Variants in CTDP1 observed in about 807,000 individuals in gnomAD.
The protein encoded by CTDP1 is CTD phosphatase 1.
CTDP1 carries 47 observed loss-of-function variants against 91.8 expected under a neutral mutation model. That is an observed-to-expected ratio of 0.51 (90% confidence interval 0.41 to 0.65). The LOEUF (loss-of-function observed/expected upper bound fraction) is 0.65, where lower values mean the gene tolerates loss of function less well. CTDP1 is among the 30% of genes least tolerant of loss of function. The probability of loss-of-function intolerance (pLI) is 0.00; values close to 1 mark genes in which losing one functional copy is unlikely to be tolerated. For synonymous variants in CTDP1, 656 were observed against 598.5 expected, an observed-to-expected ratio of 1.10 and a Z score of -1.40; for missense variants, 1,272 against 1,373.7, an observed-to-expected ratio of 0.93 and a Z score of 1.17.
chr18:79,701,369 G>A lies in CTDP1; in HGVS notation c.621+3381G>A, dbSNP rs891990929. Among the ~76,000 whole-genome samples the A allele has an allele frequency of 3.6e-4, 55 of 151,972 alleles. 1 individual carries two copies. Among genetic ancestry groups the A allele is most frequent in the Non-Finnish European group, 1.0e-4 (7 of 67,980 alleles). On this transcript the variant is annotated intron_variant, in intron 4 of 12. Transcript: ENST00000613122. ...ACTAAAAATACAAAAAATTAGCCGG[G>A]TGTGGTGGCGGGTGCCTGTAGTCCC...
intron 1 of CTDP1, chr18:79,685,284 T>A (rs1173106271): frequency 6.6e-6 from 1 of 152,232 alleles, no homozygotes; most frequent in Non-Finnish European, 1.5e-5. Context: ...TTCTGACAGG[T>A]CACCATCTTT....
chr18:79,721,162 C>A (rs1190216501), intron 10 of CTDP1, among the ~76,000 whole-genome samples: 1 of 152,214 alleles, frequency 6.6e-6, no homozygotes, highest in African/African-American at 2.4e-5. Context: ...AGGCCCAGCC[C>A]ACAGCCACTC....
At chr18:79,712,772 T>C (rs1464690728) in intron 6 of CTDP1, among the ~76,000 whole-genome samples, 200 bp from the exon 7 acceptor site, 1 of 152,130 alleles carries the variant, frequency 6.6e-6, no homozygotes, top group Non-Finnish European at 1.5e-5. Flanking sequence ...TGAAGGAGAA[T>C]CGGAAACAGC....
Position 79,740,726 on chromosome 18 carries a change from A to G in CTDP1, c.2747+4205A>G, listed in dbSNP as rs2086759616. On this transcript the variant is annotated intron_variant, in intron 12 of 12. Transcript: ENST00000613122. ...GAAAATGAGTTTTAACATAAGGGGG[A>G]AGGTTGTGTTTTTTACTTGTCTACC... 2.0e-5 allele frequency among the ~76,000 whole-genome samples: 3 copies of G among 152,192 alleles called. No homozygotes were observed. The South Asian group carries it at 6.2e-4, about 32-fold the overall frequency.
rs1283923118 is a variant in CTDP1 at position 79,679,937 on chromosome 18, C to T, written c.-11C>T. The T allele has an allele frequency of 7.2e-5, 100 of 1,385,736 alleles. No homozygotes were observed. The highest frequency in any genetic ancestry group is 3.3e-4 in the East Asian group (10 of 30,520). The allele number at this position is 1,385,736 out of a possible 1,614,324, so 85.8% of individuals were successfully genotyped here. On this transcript the variant is annotated 5_prime_UTR_variant, in exon 1 of 13. Coordinates refer to ENST00000613122, the MANE Select transcript of CTDP1 (RefSeq NM_004715.5). ...GCCCCGTACCGACCGCCCGCCCGCC[C>T]TCTGTCCGCGATGGAGGTGCCGGCC...
intron 1 of CTDP1, chr18:79,681,542 G>A (rs2085368986): frequency 1.0e-6 from 1 of 961,044 alleles, no homozygotes; most frequent in Non-Finnish European, 1.2e-6. Context: ...TATGTGGCAA[G>A]TTAGTATTGA....
Position 79,704,801 on chromosome 18 carries a change from C to T in CTDP1, c.656C>T (p.Pro219Leu). 1.2e-6 allele frequency: 2 copies of T among 1,613,952 alleles called. No individual in the cohort carries two copies. The highest frequency in any genetic ancestry group is 1.7e-6 in the Non-Finnish European group (2 of 1,180,036). Reference protein sequence around the residue: ...IFHFQLGRGEPMLHTRLRPHC... With the variant: ...IFHFQLGRGELMLHTRLRPHC... ...CACTTCCAGCTGGGCCGGGGTGAGC[C>T]CATGCTGCACACGCGCCTGCGTCCA... The change falls in exon 5 of 13, where the codon CCC becomes CTC. Residue 219 changes from proline to leucine, a missense_variant. By Grantham distance (98) the Pro-to-Leu change is moderately conservative. Transcript: ENST00000613122.
chr18:79,734,210 G>C (rs2122769218), intron 11 of CTDP1, among the ~76,000 whole-genome samples: 1 of 152,322 alleles, frequency 6.6e-6, no homozygotes, highest in African/African-American at 2.4e-5. Flanking sequence ...GCTGGGCCGG[G>C]TGTGCTGACA....
At chr18:79,693,709 T>C (rs1489071201) in intron 1 of CTDP1, among the ~76,000 whole-genome samples, 1 of 152,164 alleles carries the variant, frequency 6.6e-6, no homozygotes, top group Non-Finnish European at 1.5e-5. Context: ...CCGCACCGTG[T>C]GTCCTCAGCA....
chr18:79,733,573 G>C (rs888928044), intron 11 of CTDP1, among the ~76,000 whole-genome samples: 8 of 151,866 alleles, frequency 5.3e-5, no homozygotes, highest in African/African-American at 1.4e-4. Context: ...GGCGTCCGCT[G>C]CCTCTCCAGC....
intron 10 of CTDP1, among the ~76,000 whole-genome samples, chr18:79,722,207 G>A (rs941781423): frequency 8.5e-5 from 13 of 152,240 alleles, no homozygotes; most frequent in African/African-American, 2.9e-4. Flanking sequence ...TGGTAAGCTG[G>A]ATTTGAATGA....
intron 4 of CTDP1, among the ~76,000 whole-genome samples, chr18:79,700,260 C>T (rs1319458830): frequency 6.6e-6 from 1 of 152,190 alleles, no homozygotes; most frequent in African/African-American, 2.4e-5. Flanking sequence ...CGTGATTATG[C>T]TTAGTGAGGA....
intron 4 of CTDP1, among the ~76,000 whole-genome samples, chr18:79,701,708 A>T (rs181410013): frequency 3.5e-4 from 53 of 152,328 alleles, no homozygotes; most frequent in Admixed American, 2.6e-3. Flanking sequence ...TTTGTGATTC[A>T]TGGGAAGAGG....
At chr18:79,737,084 G>T (rs909453232) in intron 12 of CTDP1, among the ~76,000 whole-genome samples, 1 of 152,232 alleles carries the variant, frequency 6.6e-6, no homozygotes, top group Non-Finnish European at 1.5e-5. Flanking sequence ...GCGGTCTGTG[G>T]GTGGGAAGAG....
chr18:79,715,608 G>A, intron 8 of CTDP1, 80 bp downstream of exon 8: 1 of 1,332,736 alleles, frequency 7.5e-7, no homozygotes, highest in Admixed American at 2.3e-5. Context: ...TGGCATTGCT[G>A]TTTATCTCAC....
chr18:79,745,233 G>GTGCGTCCCTCCCGTGCGCGTTCTGTCCC (rs2086856085), intron 12 of CTDP1, among the ~76,000 whole-genome samples: 1 of 151,134 alleles, frequency 6.6e-6, no homozygotes, highest in Non-Finnish European at 1.5e-5. Flanking sequence ...TGACTGGATT[G>GTGCGTCCCTCCCGTGCGCGTTCTGTCCC]TGCGTCCCTC....
Position 79,713,301 on chromosome 18 carries a change from C to T in CTDP1, c.1030+163C>T, listed in dbSNP as rs1006134014. Reference sequence around the variant, plus strand: ...GATTTATTTATAGAGTACTGAAAAACAGGATATTAGGTTGTTTCAATTTGG... The same window carrying T: ...GATTTATTTATAGAGTACTGAAAAATAGGATATTAGGTTGTTTCAATTTGG... On this transcript the variant is annotated intron_variant, in intron 7 of 12. Coordinates refer to ENST00000613122, the MANE Select transcript of CTDP1 (RefSeq NM_004715.5). The surrounding 1 kb of genome is among the most constrained non-coding windows in gnomAD (Gnocchi z 4.7). Among the ~76,000 whole-genome samples the T allele has an allele frequency of 2.0e-5, 3 of 152,106 alleles. No individual in the cohort carries two copies. The highest frequency in any genetic ancestry group is 4.4e-5 in the Non-Finnish European group (3 of 68,032).
upstream of CTDP1, chr18:79,678,807 C>G (rs2085289816): frequency 6.5e-6 from 1 of 154,062 alleles, no homozygotes; most frequent in African/African-American, 2.4e-5. Flanking sequence ...CTGGGCCTGC[C>G]GAGTAGCTGG....
intron 4 of CTDP1, among the ~76,000 whole-genome samples, chr18:79,699,172 A>G (rs975619389): frequency 5.3e-5 from 8 of 152,150 alleles, no homozygotes; most frequent in Non-Finnish European, 8.8e-5. Context: ...GGCATCTTAC[A>G]CAGCAGTCTA....
Sources: allele counts gnomAD v4.1 joint callset (sites outside exome capture counted in the v4.1 genomes callset), GRCh38; gene constraint gnomAD v4.1.1; non-coding constraint Gnocchi (gnomAD v3.1); transcripts MANE v1.5; gene names NCBI Gene and HGNC (gene_info 2026-07-23, HGNC 2026-07-21).